The following CBLL1 variants were observed in gnomAD, a reference collection of about 807,000 sequenced individuals.
CBLL1 encodes Cbl proto-oncogene like 1.
Under a neutral mutation model 44.9 loss-of-function variants are expected in CBLL1, and 4 were observed. That is an observed-to-expected ratio of 0.09 (90% CI 0.04 to 0.20). CBLL1 has a LOEUF of 0.20. Among genes scored for constraint, CBLL1 ranks in the 10% least tolerant of loss-of-function variants. The probability of loss-of-function intolerance (pLI) is 1.00; values close to 1 mark genes in which losing one functional copy is unlikely to be tolerated. For synonymous variants in CBLL1, 235 were observed against 202.2 expected (o/e 1.16, Z -1.38); for missense variants, 569 against 636.7 (o/e 0.89, Z 1.14).
chr7:107,751,187 C>G (rs991564469), intron 2 of CBLL1, among the ~76,000 whole-genome samples: 4 of 152,154 alleles, frequency 2.6e-5, no homozygotes, highest in Non-Finnish European at 5.9e-5. Context: ...TAGTTAGATT[C>G]TTGTAAGGAG....
intron 5 of CBLL1, 154 bp downstream of exon 5, chr7:107,755,645 G>GGCTACC: frequency 2.5e-6 from 1 of 406,108 alleles, no homozygotes; most frequent in Non-Finnish European, 4.4e-6. Context: ...CTTGTGTTAG[G>GGCTACC]TTTCTCTTTA....
intron 2 of CBLL1, among the ~76,000 whole-genome samples, chr7:107,751,933 C>T (rs1793310954): frequency 6.6e-6 from 1 of 152,030 alleles, no homozygotes; most frequent in African/African-American, 2.4e-5. Flanking sequence ...GGTGTGGTGG[C>T]TCACGCCTGT....
In CBLL1 at chr7:107,759,607, G is replaced by A. The variant is rs780817313; in HGVS notation, c.*429G>A. 3.2e-5 allele frequency: 5 copies of A among 155,216 alleles called. No homozygotes were observed. The highest frequency in any genetic ancestry group is 1.2e-4 in the African/African-American group (5 of 41,482). The allele number at this position is 155,216 out of a possible 1,614,324, so 9.6% of individuals were successfully genotyped here. A position where few individuals can be genotyped will look rare whatever the true frequency, so the allele number is the denominator to read the frequency against. ...AAATGCTATTTTTATGTGAATTTAA[G>A]TGCAGCCACATACTGTTTTTTAAAC... On this transcript the variant is annotated 3_prime_UTR_variant, in exon 6 of 6. Transcript: ENST00000440859.
At chr7:107,753,160 T>C (rs1394455537) in intron 2 of CBLL1, among the ~76,000 whole-genome samples, 1 of 152,212 alleles carries the variant, frequency 6.6e-6, no homozygotes, top group Non-Finnish European at 1.5e-5. Flanking sequence ...TTGCCACTTA[T>C]CTTCTATATG....
At chr7:107,745,224 G>A (rs969999985) in intron 1 of CBLL1, among the ~76,000 whole-genome samples, 1 of 152,036 alleles carries the variant, frequency 6.6e-6, no homozygotes, top group East Asian at 1.9e-4. Flanking sequence ...AATGTTTGCG[G>A]ATTATTTTGA....
At chr7:107,755,333 C>T in intron 4 of CBLL1, 85 bp from the exon 5 acceptor site, 2 of 521,460 alleles carry the variant, frequency 3.8e-6, no homozygotes, top group Non-Finnish European at 3.0e-6. Flanking sequence ...GTCTTCTAAG[C>T]CTTATGTATA....
In CBLL1 at chr7:107,758,720, C is replaced by T. The variant is rs1249297760; in HGVS notation, c.1018C>T (p.His340Tyr). Residue 340 changes from histidine (H) to tyrosine (Y), a missense_variant, in exon 6 of 6, where the codon CAT becomes TAT. Around this residue, in one of 5 missense-constraint regions of CBLL1, gnomAD observed 228 missense variants for 253.2 expected, o/e 0.90. Transcript: ENST00000440859. The surrounding 1 kb of genome is among the most constrained non-coding windows in gnomAD (Gnocchi z 4.2). ...HPHHIMPPQQ[H>Y]YAPPPPPPPP... ...TCATCATATTATGCCTCCACAGCAA[C>T]ATTATGCACCACCCCCACCTCCTCC... is the stretch of plus-strand genomic sequence containing the variant. The T allele has an allele frequency of 6.2e-7, 1 of 1,613,890 alleles. No individual in the cohort carries two copies. The highest frequency in any genetic ancestry group is 8.5e-7 in the Non-Finnish European group (1 of 1,179,974).
rs748778246 is a variant in CBLL1, at chr7:107,758,451, A to G, written c.749A>G (p.His250Arg). ...CCACCTCCTTTGCAACATGTGCCAC[A>G]TGAGCACTATAATCAGCCACATGAG... is the stretch of plus-strand genomic sequence containing the variant. ...MPPPPLQHVP[H>R]EHYNQPHEDI... Residue 250 changes from histidine to arginine, a missense_variant, in exon 6 of 6, where the codon CAT becomes CGT. By Grantham distance (29) the His-to-Arg change is conservative. Coordinates refer to ENST00000440859, the MANE Select transcript of CBLL1 (RefSeq NM_024814.4). This position sits in a 1 kb window ranked among gnomAD's most constrained non-coding sequence, Gnocchi z 4.2. 6 of 1,614,174 alleles carry G rather than the reference A, an allele frequency of 3.7e-6. No individual in the cohort carries two copies. Among genetic ancestry groups the G allele is most frequent in the Admixed American group, 1.7e-5 (1 of 60,020 alleles).
chr7:107,745,197 A>T (rs1026799359), intron 1 of CBLL1, among the ~76,000 whole-genome samples: 4 of 151,760 alleles, frequency 2.6e-5, no homozygotes, highest in African/African-American at 4.8e-5. Context: ...CTTTTTTTTT[A>T]AATTTATTAT....
intron 1 of CBLL1, among the ~76,000 whole-genome samples, chr7:107,748,367 C>T (rs1215490719): frequency 6.6e-6 from 1 of 152,176 alleles, no homozygotes; most frequent in Non-Finnish European, 1.5e-5. Context: ...GGAATAATCA[C>T]ATTTCTTAAC....
chr7:107,753,506 T>A lies in CBLL1; in HGVS notation c.277T>A (p.Phe93Ile). Residue 93 changes from phenylalanine (F) to isoleucine (I), a missense_variant, in exon 3 of 6, where the codon TTT (phenylalanine) becomes ATT (isoleucine). By Grantham distance (21) the Phe-to-Ile change is conservative (BLOSUM62 0). This residue lies in a region of CBLL1 where 209 missense variants were observed against 202.8 expected (regional missense o/e 1.03). Coordinates refer to ENST00000440859, the MANE Select transcript of CBLL1 (RefSeq NM_024814.4). ...ATTTCCTGGACACCTTTTTTGGGAC[T>A]TTCAGGTATAATTAAAAATGAAAAA... ...RRFPGHLFWD[F>I]QINILGEKDD... 6.4e-7 allele frequency: 1 copy of A among 1,558,036 alleles called. No homozygotes were observed. The highest frequency in any genetic ancestry group is 1.4e-5 in the African/African-American group (1 of 72,406).
Position 107,758,476 on chromosome 7 carries a change from G to A in CBLL1, c.774G>A (p.Glu258=). The change falls in exon 6 of 6, where the codon GAG becomes GAA. Residue 258 remains glutamate (E), a synonymous_variant. Coordinates refer to ENST00000440859, the MANE Select transcript of CBLL1 (RefSeq NM_024814.4). This position sits in a 1 kb window ranked among gnomAD's most constrained non-coding sequence, Gnocchi z 4.2. ...ATGAGCACTATAATCAGCCACATGA[G>A]GATATTCGTGCTCCTCCAGCAGAAT... ...VPHEHYNQPH[E]DIRAPPAELS... 6.2e-7 allele frequency: 1 copy of A among 1,614,072 alleles called. No individual in the cohort carries two copies. Among genetic ancestry groups the A allele is most frequent in the Non-Finnish European group, 8.5e-7 (1 of 1,180,008 alleles).
chr7:107,755,787 A>AATTAATGGAGGCTTTG (rs2115692317), intron 5 of CBLL1, among the ~76,000 whole-genome samples: 2 of 152,018 alleles, frequency 1.3e-5, no homozygotes, highest in South Asian at 4.2e-4. Context: ...ATTAAGATAT[A>AATTAATGGAGGCTTTG]TTGAGAGCAA....
At chr7:107,753,676 A>G (rs1467730779) in intron 3 of CBLL1, among the ~76,000 whole-genome samples, 165 bp downstream of exon 3, 3 of 152,136 alleles carry the variant, frequency 2.0e-5, no homozygotes, top group African/African-American at 7.2e-5. Context: ...ATTTTCAAGA[A>G]TAATTTGAAG....
chr7:107,756,523 T>A (rs1247116262), intron 5 of CBLL1, among the ~76,000 whole-genome samples: 1 of 152,146 alleles, frequency 6.6e-6, no homozygotes, highest in Non-Finnish European at 1.5e-5. Context: ...TATCACTTGT[T>A]TTTTGGGTGT....
At chr7:107,748,161 G>A (rs1793101819) in intron 1 of CBLL1, among the ~76,000 whole-genome samples, 1 of 152,134 alleles carries the variant, frequency 6.6e-6, no homozygotes, top group African/African-American at 2.4e-5. Context: ...GGACTAGAAA[G>A]TGACACTTGT....
chr7:107,758,688 C>G lies in CBLL1; in HGVS notation c.986C>G (p.Ser329Trp), dbSNP rs764776585. The change falls in exon 6 of 6, where the codon TCG (serine) becomes TGG (tryptophan). Residue 329 changes from serine to tryptophan, a missense_variant. Transcript: ENST00000440859. The surrounding 1 kb of genome is among the most constrained non-coding windows in gnomAD (Gnocchi z 4.2). ...GAATATCAGGGTCAACCAGTGGTATCGCACCCTCATCATATTATGCCTCCA... is the reference window on the plus strand; with the variant it reads ...GAATATCAGGGTCAACCAGTGGTATGGCACCCTCATCATATTATGCCTCCA... The part of the protein sequence containing the change: ...HPEYQGQPVV[S>W]HPHHIMPPQQ... 2 of 1,613,836 alleles carry G rather than the reference C, an allele frequency of 1.2e-6. No individual in the cohort carries two copies. Among genetic ancestry groups the G allele is most frequent in the Non-Finnish European group, 1.7e-6 (2 of 1,179,944 alleles).
intron 5 of CBLL1, among the ~76,000 whole-genome samples, chr7:107,755,826 G>A (rs1216028061): frequency 6.6e-6 from 1 of 152,062 alleles, no homozygotes; most frequent in African/African-American, 2.4e-5. Context: ...TCCTGGGTTC[G>A]AATCCTTGTT....
intron 2 of CBLL1, chr7:107,752,633 C>A: frequency 8.2e-7 from 1 of 1,221,214 alleles, no homozygotes; most frequent in Non-Finnish European, 1.1e-6. Context: ...TGGATTCTAC[C>A]TAGAATTCCC....
Sources: allele counts gnomAD v4.1 joint callset (sites outside exome capture counted in the v4.1 genomes callset), GRCh38; gene constraint gnomAD v4.1.1; regional missense constraint gnomAD v4.1.1; non-coding constraint Gnocchi (gnomAD v3.1); transcripts MANE v1.5; gene names NCBI Gene and HGNC (gene_info 2026-07-23, HGNC 2026-07-21).